Variants in TAOK3 observed in about 807,000 individuals in gnomAD.
TAOK3 encodes serine/threonine-protein kinase TAO3.
TAOK3 carries 40 observed loss-of-function variants against 120.4 expected under a neutral mutation model. The ratio of observed to expected loss-of-function variants is 0.33; its 90% confidence interval spans 0.26 to 0.43. TAOK3 has a LOEUF of 0.43. Among genes scored for constraint, TAOK3 ranks in the 20% least tolerant of loss-of-function variants. The pLI, the probability that TAOK3 is intolerant of heterozygous loss-of-function variation, is 1.00. For missense variants in TAOK3, 821 were observed against 1,112.1 expected (o/e 0.74, Z 3.72); for synonymous variants, 355 against 387.5 (o/e 0.92, Z 0.99).
chr12:118,184,002 T>C (rs900242752), intron 14 of TAOK3, among the ~76,000 whole-genome samples: 2 of 152,170 alleles, frequency 1.3e-5, no homozygotes, highest in African/African-American at 2.4e-5. Flanking sequence ...TGGGTGGGTG[T>C]CTGTAAAGAG....
chr12:118,317,875 A>C (rs2043536149), intron 1 of TAOK3, among the ~76,000 whole-genome samples: 1 of 152,206 alleles, frequency 6.6e-6, no homozygotes, highest in Admixed American at 6.5e-5. Context: ...AGCTTATTAC[A>C]AAGCTCAGTA....
intron 1 of TAOK3, among the ~76,000 whole-genome samples, chr12:118,370,457 A>G (rs2045864493): frequency 6.6e-6 from 1 of 152,198 alleles, no homozygotes. Flanking sequence ...AATAAAACAC[A>G]TTCTAAACCT....
intron 1 of TAOK3, among the ~76,000 whole-genome samples, chr12:118,348,874 G>T (rs1240203962): frequency 6.8e-6 from 1 of 148,128 alleles, no homozygotes; most frequent in East Asian, 2.0e-4. Flanking sequence ...TTGAGAACGG[G>T]TCTCACTCTT....
At chr12:118,305,965 T>C (rs1412415695) in intron 1 of TAOK3, among the ~76,000 whole-genome samples, 2 of 151,884 alleles carry the variant, frequency 1.3e-5, no homozygotes, top group African/African-American at 4.8e-5. Context: ...CTCTGCTGCT[T>C]TGGAGAGGTT....
chr12:118,274,994 GCACCT>G (rs1350626825), intron 1 of TAOK3, among the ~76,000 whole-genome samples: 1 of 152,066 alleles, frequency 6.6e-6, no homozygotes, highest in Non-Finnish European at 1.5e-5. Flanking sequence ...GAAAAAAATG[GCACCT>G]CACATGAATC....
Position 118,300,984 on chromosome 12 carries a change from C to A in TAOK3, c.-193-34225G>T, listed in dbSNP as rs564196823. Among the ~76,000 whole-genome samples the A allele has an allele frequency of 5.3e-5, 8 of 152,214 alleles. No individual in the cohort carries two copies. The East Asian group carries it at 1.5e-3, about 29-fold the overall frequency. On this transcript the variant is annotated intron_variant, in intron 1 of 20. Transcript: ENST00000392533. ...AGAGACGGGGTTTCACCATGTTGGC[C>A]AGGCTGATCTTGAACTCCTGACCTC...
At position 118,235,539 on chromosome 12, in the gene TAOK3, A is replaced by G. The variant is rs1023661880; in HGVS notation, c.551+19T>C. On this transcript the variant is annotated intron_variant, in intron 8 of 20. Coordinates refer to ENST00000392533, the MANE Select transcript of TAOK3 (RefSeq NM_016281.4). The stretch of plus-strand genomic sequence containing the variant: ...TATGCAGATTTTAAAACTATGTCAT[A>G]TAGCCTAATTCTACATACCAGTAAG... 1 of 1,588,784 alleles carries G rather than the reference A, an allele frequency of 6.3e-7. No individual in the cohort carries two copies. Among genetic ancestry groups the G allele is most frequent in the Non-Finnish European group, 8.6e-7 (1 of 1,157,870 alleles).
chr12:118,298,931 C>A (rs2042777725), intron 1 of TAOK3, among the ~76,000 whole-genome samples: 2 of 152,154 alleles, frequency 1.3e-5, no homozygotes, highest in African/African-American at 4.8e-5. Context: ...TAAATCTATG[C>A]CAGAGCCCAT....
rs1041223676 is a variant in TAOK3 at position 118,371,723 on chromosome 12, G to A, written c.-194+925C>T. On this transcript the variant is annotated intron_variant, in intron 1 of 20. Coordinates refer to ENST00000392533, the MANE Select transcript of TAOK3 (RefSeq NM_016281.4). This position sits in a 1 kb window ranked among gnomAD's most constrained non-coding sequence, Gnocchi z 5.5. ...CGCAACTCAGCGGGCGCGACCCCCC[G>A]CCCGCTCCCTCGCTGCTCACGCCGG... Among the ~76,000 whole-genome samples the A allele has an allele frequency of 2.7e-4, 41 of 152,136 alleles. No homozygotes were observed. The highest frequency in any genetic ancestry group is 9.6e-4 in the African/African-American group (40 of 41,562).
intron 1 of TAOK3, among the ~76,000 whole-genome samples, chr12:118,324,487 G>T (rs2043846841): frequency 6.6e-6 from 1 of 151,462 alleles, no homozygotes; most frequent in East Asian, 1.9e-4. Flanking sequence ...TTCATTCCAT[G>T]TAACTATACT....
intron 9 of TAOK3, among the ~76,000 whole-genome samples, chr12:118,228,153 C>CTT (rs753232720): frequency 4.3e-5 from 6 of 138,146 alleles, no homozygotes; most frequent in East Asian, 2.1e-4. Context: ...TATATATACT[C>CTT]TTTTTTTTTT....
chr12:118,327,162 A>G (rs1566123049), intron 1 of TAOK3, among the ~76,000 whole-genome samples: 1 of 152,188 alleles, frequency 6.6e-6, no homozygotes, highest in Non-Finnish European at 1.5e-5. Context: ...TAATCCCTGC[A>G]TCTGGTTTTA....
chr12:118,368,624 G>T (rs1414811607), intron 1 of TAOK3, among the ~76,000 whole-genome samples: 1 of 150,194 alleles, frequency 6.7e-6, no homozygotes, highest in Non-Finnish European at 1.5e-5. Context: ...TGGCCACCGT[G>T]GTGAAAAACC....
rs546038929 is a variant in TAOK3, at chr12:118,210,874, G to T, written c.819+2040C>A. ...CTGCCTTAGCCTCCTGAGTAGCTGG[G>T]AATATAGGTGCCTGCCACCATGCCC... is the stretch of plus-strand genomic sequence containing the variant. On this transcript the variant is annotated intron_variant, in intron 11 of 20. Transcript: ENST00000392533. Among the ~76,000 whole-genome samples the T allele has an allele frequency of 4.4e-3, 668 of 151,888 alleles. 1 individual carries two copies. The highest frequency in any genetic ancestry group is 7.3e-3 in the Non-Finnish European group (498 of 67,938).
intron 1 of TAOK3, among the ~76,000 whole-genome samples, chr12:118,360,523 G>A (rs538829389): frequency 3.2e-4 from 47 of 144,720 alleles, no homozygotes; most frequent in African/African-American, 1.1e-3. Context: ...AGCCAAGATC[G>A]CGCCACTGGA....
Position 118,199,211 on chromosome 12 carries a change from C to A in TAOK3, c.1034G>T (p.Gly345Val). The A allele has an allele frequency of 6.2e-7, 1 of 1,614,148 alleles. No homozygotes were observed. Among genetic ancestry groups the A allele is most frequent in the Non-Finnish European group, 8.5e-7 (1 of 1,180,028 alleles). Residue 345 changes from glycine (G) to valine (V), a missense_variant, in exon 13 of 21, where the codon GGC becomes GTC. By Grantham distance (109) the Gly-to-Val change is moderately radical. Coordinates refer to ENST00000392533, the MANE Select transcript of TAOK3 (RefSeq NM_016281.4). ...CATGCTTGGAATGGAATGGTTGCTG[C>A]CCAGGCTGTCCATTTCCCTGTTCAG... Reference protein sequence around the residue: ...TSLNREMDSLGSNHSIPSMSV... With the variant: ...TSLNREMDSLVSNHSIPSMSV...
chr12:118,239,792 C>G (rs1455571103), intron 5 of TAOK3, among the ~76,000 whole-genome samples: 2 of 152,120 alleles, frequency 1.3e-5, no homozygotes, highest in Non-Finnish European at 2.9e-5. Context: ...TGCTATGTAT[C>G]ATTACATTAC....
At chr12:118,270,820 G>T (rs1388143704) in intron 1 of TAOK3, among the ~76,000 whole-genome samples, 1 of 151,812 alleles carries the variant, frequency 6.6e-6, no homozygotes, top group African/African-American at 2.4e-5. Flanking sequence ...GACTACAGGC[G>T]CCCGCCACCA....
intron 2 of TAOK3, 22 bp from the exon 3 acceptor site, chr12:118,255,677 C>T: frequency 8.5e-7 from 1 of 1,180,050 alleles, no homozygotes. Flanking sequence ...TAAGGTTTGC[C>T]ATTAAATTAT....
Sources: gnomAD v4.1 joint callset for allele counts (sites outside exome capture counted in the v4.1 genomes callset) on GRCh38, gnomAD v4.1.1 for gene constraint, Gnocchi (gnomAD v3.1) non-coding constraint, MANE v1.5 for transcripts, NCBI Gene and HGNC (gene_info 2026-07-23, HGNC 2026-07-21) for gene names.